Variants in ACSM5 observed in about 807,000 individuals in gnomAD.
ACSM5 encodes acyl-CoA synthetase medium chain family member 5.
Under a neutral mutation model 71.6 loss-of-function variants are expected in ACSM5, and 56 were observed. That is an observed-to-expected ratio of 0.78 (90% confidence interval 0.63 to 0.98). ACSM5 has a LOEUF of 0.98. Among genes scored for constraint, ACSM5 ranks in the 50% least tolerant of loss-of-function variants. The pLI is 0.00. For synonymous variants in ACSM5, 285 were observed against 281.5 expected (o/e 1.01, Z -0.12); for missense variants, 723 against 726.0 (o/e 1.00, Z 0.05).
chr16:20,417,308 C>T (rs1966858690), intron 2 of ACSM5, among the ~76,000 whole-genome samples: 1 of 152,166 alleles, frequency 6.6e-6, no homozygotes, highest in Admixed American at 6.5e-5. Flanking sequence ...ACCCTAATGT[C>T]TATGAACTGG....
At position 20,431,051 on chromosome 16, in the gene ACSM5, C is replaced by A; in HGVS notation, c.1184C>A (p.Ala395Glu). 6.2e-7 allele frequency: 1 copy of A among 1,613,836 alleles called. No homozygotes were observed. The highest frequency in any genetic ancestry group is 8.5e-7 in the Non-Finnish European group (1 of 1,179,860). Reference sequence around the variant, plus strand: ...ATCAAGTCTGGATCCATGGGGAAGGCGTCCCCACCCTACGATGTGCAGGTA... The same window carrying A: ...ATCAAGTCTGGATCCATGGGGAAGGAGTCCCCACCCTACGATGTGCAGGTA... ...MKIKSGSMGK[A>E]SPPYDVQIVD... Residue 395 changes from alanine to glutamate, a missense_variant, in exon 9 of 14, where the codon GCG (alanine) becomes GAG (glutamate). Coordinates refer to ENST00000331849, the MANE Select transcript of ACSM5 (RefSeq NM_017888.3).
chr16:20,411,488 A>G lies in ACSM5; in HGVS notation c.4A>G (p.Arg2Gly). The change falls in exon 2 of 14, where the codon AGA becomes GGA. Residue 2 changes from arginine to glycine, a missense_variant. Transcript: ENST00000331849. Reference protein sequence around the residue: MRPWLRHLVLQA... With the variant: MGPWLRHLVLQA... ...GTGACAGACAGGAGGCGACTGCATG[A>G]GACCATGGCTGAGACACCTAGTCCT... The G allele has an allele frequency of 6.2e-7, 1 of 1,613,970 alleles. No homozygotes were observed. Among genetic ancestry groups the G allele is most frequent in the Non-Finnish European group, 8.5e-7 (1 of 1,179,952 alleles).
At chr16:20,421,654 T>TAC (rs1386155215) in intron 5 of ACSM5, among the ~76,000 whole-genome samples, 211 of 99,850 alleles carry the variant, frequency 2.1e-3, no homozygotes, top group African/African-American at 8.4e-3. Flanking sequence ...TATATATATA[T>TAC]ATACACACAC....
At chr16:20,433,528 T>C (rs994352378) in intron 10 of ACSM5, among the ~76,000 whole-genome samples, 1 of 152,020 alleles carries the variant, frequency 6.6e-6, no homozygotes, top group Non-Finnish European at 1.5e-5. Flanking sequence ...ATTAGTTATG[T>C]AAAGGATTAT....
At chr16:20,431,488 A>G (rs1967100366) in intron 10 of ACSM5, among the ~76,000 whole-genome samples, 167 bp downstream of exon 10, 1 of 152,220 alleles carries the variant, frequency 6.6e-6, no homozygotes, top group Non-Finnish European at 1.5e-5. Flanking sequence ...ATTATTGATA[A>G]GGAAGCTACT....
intron 10 of ACSM5, among the ~76,000 whole-genome samples, chr16:20,434,757 A>C (rs1372640540): frequency 1.3e-5 from 2 of 152,168 alleles, no homozygotes; most frequent in Non-Finnish European, 2.9e-5. Context: ...ACTTTCTTGT[A>C]TTTCCTTGAT....
chr16:20,427,129 C>T (rs1173568951), intron 6 of ACSM5, among the ~76,000 whole-genome samples: 7 of 151,928 alleles, frequency 4.6e-5, no homozygotes, highest in Non-Finnish European at 1.0e-4. Context: ...GGTGAAACCC[C>T]GTTTCTACTA....
chr16:20,435,452 TTTC>T (rs1967172627), intron 10 of ACSM5, among the ~76,000 whole-genome samples: 1 of 152,234 alleles, frequency 6.6e-6, no homozygotes, highest in African/African-American at 2.4e-5. Context: ...GCTTATATTT[TTTC>T]TTTTTTCTCA....
At chr16:20,436,112 T>TTCTTTC (rs371412424) in intron 10 of ACSM5, among the ~76,000 whole-genome samples, 9 of 141,510 alleles carry the variant, frequency 6.4e-5, no homozygotes, top group South Asian at 2.2e-4. Context: ...TTCTTTCTTT[T>TTCTTTC]TCTCTTTCTT....
In ACSM5 at chr16:20,410,495, C is replaced by T. The variant is rs143389249; in HGVS notation, c.-16+830C>T. On this transcript the variant is annotated intron_variant, in intron 1 of 13. Coordinates refer to ENST00000331849, the MANE Select transcript of ACSM5 (RefSeq NM_017888.3). ...TCTGTAATCCCAGCACTTGGGAGGC[C>T]GAGTTGGGAGGATCACTTGAGGCCA... Among the ~76,000 whole-genome samples, 523 of 152,196 alleles carry T rather than the reference C, an allele frequency of 3.4e-3. 1 individual carries two copies. Among genetic ancestry groups the T allele is most frequent in the African/African-American group, 0.012 (484 of 41,518 alleles).
Position 20,411,542 on chromosome 16 carries a change from T to G in ACSM5, c.58T>G (p.Cys20Gly). 6.2e-7 allele frequency: 1 copy of G among 1,614,192 alleles called. No homozygotes were observed. Among genetic ancestry groups the G allele is most frequent in the Non-Finnish European group, 8.5e-7 (1 of 1,180,022 alleles). Residue 20 changes from cysteine (C) to glycine (G), a missense_variant, in exon 2 of 14, where the codon TGT becomes GGT. Cys to Gly is a radical substitution (Grantham distance 159). Coordinates refer to ENST00000331849, the MANE Select transcript of ACSM5 (RefSeq NM_017888.3). ...GGCACTGAGGAACTCCAGGGCATTC[T>G]GTGGGTCTCATGGGAAGCCAGCACC... ...LQALRNSRAF[C>G]GSHGKPAPLP...
At chr16:20,411,370 C>T in intron 1 of ACSM5, 100 bp from the exon 2 acceptor site, 2 of 885,456 alleles carry the variant, frequency 2.3e-6, no homozygotes, top group Non-Finnish European at 3.5e-6. Flanking sequence ...GTAAGGATCA[C>T]AGTCACCATC....
intron 2 of ACSM5, among the ~76,000 whole-genome samples, chr16:20,415,508 A>G (rs1966854644): frequency 2.0e-5 from 3 of 152,218 alleles, no homozygotes; most frequent in African/African-American, 7.2e-5. Flanking sequence ...TTTCTTGAGA[A>G]TGTTTTATCA....
intron 2 of ACSM5, among the ~76,000 whole-genome samples, chr16:20,416,611 A>G (rs1168918402): frequency 6.6e-6 from 1 of 152,256 alleles, no homozygotes; most frequent in Admixed American, 6.5e-5. Context: ...GAAGAAACAT[A>G]AAGTACAAGA....
chr16:20,439,986 C>CA lies in ACSM5; in HGVS notation c.1656+68dup, dbSNP rs2141664893. 4 of 1,589,110 alleles carry CA rather than the reference C, an allele frequency of 2.5e-6. No homozygotes were observed. In the East Asian group the frequency reaches 9.0e-5, roughly 36 times the overall value. On this transcript the variant is annotated intron_variant, in intron 13 of 13. Transcript: ENST00000331849. ...GATGGGCACGCTCTGCCTGGGCTCC[C>CA]ACTCAGAGCCAGGCCCTGTGCCAGG...
rs1254609766 is a variant in ACSM5, at chr16:20,417,518, A to G, written c.205-541A>G. 2.0e-5 allele frequency among the ~76,000 whole-genome samples: 3 copies of G among 152,228 alleles called. No homozygotes were observed. The East Asian group carries it at 5.8e-4, about 29-fold the overall frequency. On this transcript the variant is annotated intron_variant, in intron 2 of 13. Coordinates refer to ENST00000331849, the MANE Select transcript of ACSM5 (RefSeq NM_017888.3). The stretch of plus-strand genomic sequence containing the variant: ...GAAGATGCAAATCCATAGAGACAGA[A>G]AGCAGATAAGTGATAACCAGGAGCT...
At chr16:20,419,200 C>T (rs1596613498) in intron 3 of ACSM5, 28 bp from the exon 4 acceptor site, 3 of 1,613,004 alleles carry the variant, frequency 1.9e-6, no homozygotes, top group Non-Finnish European at 2.5e-6. Context: ...CCGCTATCCA[C>T]TCAACATCCC....
chr16:20,432,599 G>A (rs1967120405), intron 10 of ACSM5, among the ~76,000 whole-genome samples: 1 of 152,034 alleles, frequency 6.6e-6, no homozygotes, highest in Non-Finnish European at 1.5e-5. Context: ...TGACCCCACT[G>A]AAAAAATGCA....
intron 10 of ACSM5, among the ~76,000 whole-genome samples, chr16:20,432,844 A>ATTTTT (rs1567346831): frequency 1.7e-5 from 1 of 60,214 alleles, no homozygotes; most frequent in African/African-American, 9.7e-5. Context: ...TTTCCAGATC[A>ATTTTT]TTCTTTTTTT....
Sources: allele counts gnomAD v4.1 joint callset (sites outside exome capture counted in the v4.1 genomes callset), GRCh38; gene constraint gnomAD v4.1.1; transcripts MANE v1.5; gene names NCBI Gene and HGNC (gene_info 2026-07-23, HGNC 2026-07-21).